The following MGLL variants were observed in gnomAD, a reference collection of about 807,000 sequenced individuals.
MGLL encodes the protein lysophospholipase homolog.
In MGLL, 7 loss-of-function variants were observed where a neutral mutation model predicts 29.1. The ratio of observed to expected loss-of-function variants is 0.24; its 90% CI spans 0.14 to 0.45. The LOEUF (loss-of-function observed/expected upper bound fraction) is 0.45, where lower values mean the gene tolerates loss of function less well. Ranked by LOEUF, MGLL falls within the 20% of genes least tolerant of loss-of-function variation. MGLL has a pLI of 0.99. For missense variants in MGLL, 356 were observed against 413.6 expected (o/e 0.86, Z 1.21); for synonymous variants, 148 against 168.3 (o/e 0.88, Z 0.93).
chr3:127,774,126 C>T (rs1299963787), intron 3 of MGLL, among the ~76,000 whole-genome samples: 1 of 152,260 alleles, frequency 6.6e-6, no homozygotes, highest in Admixed American at 6.5e-5. Context: ...AGGCCCCTGC[C>T]CATCACTGCT....
At chr3:127,788,757 T>C (rs562878064) in intron 2 of MGLL, among the ~76,000 whole-genome samples, 23 of 152,250 alleles carry the variant, frequency 1.5e-4, no homozygotes, top group Non-Finnish European at 2.5e-4. Flanking sequence ...TTATCCAGAG[T>C]TCATCATCAG....
chr3:127,813,336 C>T (rs944957119), intron 2 of MGLL, among the ~76,000 whole-genome samples: 1 of 152,158 alleles, frequency 6.6e-6, no homozygotes, highest in Non-Finnish European at 1.5e-5. Flanking sequence ...AAGTAGGTCT[C>T]TGGCCATCTC....
intron 2 of MGLL, among the ~76,000 whole-genome samples, chr3:127,805,685 T>C (rs912040011): frequency 2.6e-5 from 4 of 152,240 alleles, no homozygotes; most frequent in African/African-American, 4.8e-5. Flanking sequence ...GGAATTTCAA[T>C]GGTGCTTTTA....
At chr3:127,775,535 G>A (rs1308222250) in intron 3 of MGLL, among the ~76,000 whole-genome samples, 1 of 151,882 alleles carries the variant, frequency 6.6e-6, no homozygotes, top group African/African-American at 2.4e-5. Context: ...CGTAACTGCC[G>A]CCCACAGACA....
In MGLL at chr3:127,689,152, A is replaced by G. The variant is rs115970931; in HGVS notation, c.*3046T>C. The G allele has an allele frequency of 0.011, 1,613 of 152,396 alleles. 34 individuals are homozygous for G. Among genetic ancestry groups the G allele is most frequent in the African/African-American group, 0.037 (1,529 of 41,578 alleles). 9.4% of individuals were successfully genotyped at this position (152,396 alleles called of 1,614,324 possible). A position where few individuals can be genotyped will look rare whatever the true frequency, so the allele number is the denominator to read the frequency against. Reference sequence around the variant, plus strand: ...ATGGATACATATGTGCCCCGCAGACAGTATACACGCAGGGATGTGACTGAG... The same window carrying G: ...ATGGATACATATGTGCCCCGCAGACGGTATACACGCAGGGATGTGACTGAG... On this transcript the variant is annotated 3_prime_UTR_variant, in exon 8 of 8. Coordinates refer to ENST00000265052, the MANE Select transcript of MGLL (RefSeq NM_007283.7).
intron 3 of MGLL, among the ~76,000 whole-genome samples, chr3:127,775,017 G>A (rs1161307018): frequency 1.3e-5 from 2 of 152,196 alleles, no homozygotes; most frequent in East Asian, 1.9e-4. Flanking sequence ...ACTCATATCC[G>A]AGACTTACAT....
intron 5 of MGLL, among the ~76,000 whole-genome samples, chr3:127,720,675 T>C (rs1267526020): frequency 1.3e-5 from 2 of 152,228 alleles, no homozygotes; most frequent in African/African-American, 4.8e-5. Flanking sequence ...GTGCCTGCAG[T>C]TCCACTCACT....
At chr3:127,809,365 C>G (rs373777436) in intron 2 of MGLL, among the ~76,000 whole-genome samples, 2 of 152,092 alleles carry the variant, frequency 1.3e-5, no homozygotes, top group African/African-American at 4.8e-5. Flanking sequence ...GTGGCTCACA[C>G]CTGGAATACC....
At chr3:127,731,239 C>A (rs112905189) in intron 3 of MGLL, among the ~76,000 whole-genome samples, 3 of 151,894 alleles carry the variant, frequency 2.0e-5, no homozygotes, top group African/African-American at 7.2e-5. Flanking sequence ...AGGGTGGATT[C>A]AAACTCCTGG....
At chr3:127,781,943 G>A in intron 2 of MGLL, 48 bp from the exon 3 acceptor site, 1 of 1,570,856 alleles carries the variant, frequency 6.4e-7, no homozygotes, top group Non-Finnish European at 8.7e-7. Flanking sequence ...ACACGGGGCT[G>A]GGCGCGGTGG....
At chr3:127,781,735 G>T in intron 3 of MGLL, 54 bp downstream of exon 3, 1 of 1,443,512 alleles carries the variant, frequency 6.9e-7, no homozygotes. Context: ...TAGAGAGGGA[G>T]ATCTCCAAAT....
At chr3:127,772,077 C>G (rs2076958080) in intron 3 of MGLL, among the ~76,000 whole-genome samples, 1 of 152,212 alleles carries the variant, frequency 6.6e-6, no homozygotes. Context: ...GAAAGAAAAC[C>G]TGCGTTTATC....
intron 2 of MGLL, chr3:127,783,999 A>G (rs1338241009): frequency 6.6e-6 from 1 of 152,254 alleles, no homozygotes; most frequent in Non-Finnish European, 1.5e-5. Context: ...CAGGTCGTTG[A>G]GCTGGATCAT....
chr3:127,817,225 T>C (rs1464513219), intron 2 of MGLL, among the ~76,000 whole-genome samples: 1 of 152,016 alleles, frequency 6.6e-6, no homozygotes, highest in Non-Finnish European at 1.5e-5. Context: ...TAAACAGAGA[T>C]TTAAAGGAGG....
At chr3:127,742,589 CAAAAAAAA>C (rs60743176) in intron 3 of MGLL, among the ~76,000 whole-genome samples, 5 of 70,494 alleles carry the variant, frequency 7.1e-5, no homozygotes, top group African/African-American at 6.1e-5. Flanking sequence ...GACTCCGTCC[CAAAAAAAA>C]AAAAAAAAAA....
intron 2 of MGLL, among the ~76,000 whole-genome samples, chr3:127,803,665 A>G (rs926075118): frequency 4.6e-5 from 7 of 152,212 alleles, no homozygotes; most frequent in Non-Finnish European, 7.3e-5. Context: ...TGGTGTGATG[A>G]GCCCTGAGTG....
chr3:127,694,698 G>A (rs946197582), intron 7 of MGLL, among the ~76,000 whole-genome samples: 2 of 152,212 alleles, frequency 1.3e-5, no homozygotes, highest in Non-Finnish European at 2.9e-5. Flanking sequence ...TCAGTGCCCA[G>A]TTGCAGATTC....
At chr3:127,712,797 G>C (rs2075743684) in intron 5 of MGLL, 1 of 152,350 alleles carries the variant, frequency 6.6e-6, no homozygotes, top group Non-Finnish European at 1.5e-5. Flanking sequence ...TCATGGGCCA[G>C]CTCCAAGAAC....
chr3:127,822,019 C>A lies in MGLL; in HGVS notation c.11-181G>T, dbSNP rs745752202. 41 of 718,044 alleles carry A rather than the reference C, an allele frequency of 5.7e-5. 1 individual carries two copies. The highest frequency in any genetic ancestry group is 9.1e-5 in the Non-Finnish European group (41 of 450,424). 44.5% of individuals were successfully genotyped at this position (718,044 alleles called of 1,614,324 possible). On this transcript the variant is annotated intron_variant, in intron 1 of 7. Transcript: ENST00000265052. ...CAAACCTCTCCAAGACTGAAAAATC[C>A]CATTTGTTCTTAAGAAAATGCTCAC...
Sources: gnomAD v4.1 joint callset for allele counts (sites outside exome capture counted in the v4.1 genomes callset) on GRCh38, gnomAD v4.1.1 for gene constraint, MANE v1.5 for transcripts, NCBI Gene and HGNC (gene_info 2026-07-23, HGNC 2026-07-21) for gene names.